UBAP1: variants seen among roughly 807,000 people sequenced by gnomAD.
UBAP1 encodes ubiquitin associated protein 1, also known as ubiquitin-associated protein 1.
A neutral mutation model predicts 39.0 loss-of-function variants in UBAP1; 5 were observed. That is an observed-to-expected ratio of 0.13 (90% CI 0.07 to 0.27). UBAP1 has a LOEUF of 0.27. Ranked by LOEUF, UBAP1 falls within the 10% of genes least tolerant of loss-of-function variation. UBAP1 has a pLI of 1.00. For missense variants in UBAP1, 490 were observed against 608.1 expected (o/e 0.81, Z 2.04); for synonymous variants, 211 against 225.1 (o/e 0.94, Z 0.56).
chr9:34,189,493 AT>A (rs1209842047), intron 1 of UBAP1, among the ~76,000 whole-genome samples: 1 of 151,898 alleles, frequency 6.6e-6, no homozygotes, highest in Non-Finnish European at 1.5e-5. Flanking sequence ...CCGGCCGATC[AT>A]TATGTCTTAT....
chr9:34,189,096 A>G lies in UBAP1; in HGVS notation c.-8+9856A>G, dbSNP rs375092354. Among the ~76,000 whole-genome samples, 9 of 151,978 alleles carry G rather than the reference A, an allele frequency of 5.9e-5. 1 individual carries two copies. The highest frequency in any genetic ancestry group is 5.9e-4 in the Admixed American group (9 of 15,240). On this transcript the variant is annotated intron_variant, in intron 1 of 6. Coordinates refer to ENST00000297661, the MANE Select transcript of UBAP1 (RefSeq NM_016525.5). ...CTTCCTAATCCTAAAATCTTTCTAT[A>G]GTTTGGGAGTGTTAACATTTCCTTC...
At chr9:34,181,139 A>G (rs1324960420) in intron 1 of UBAP1, among the ~76,000 whole-genome samples, 1 of 9,240 alleles carries the variant, frequency 1.1e-4, no homozygotes, top group East Asian at 0.02. Flanking sequence ...TTTTTGAGAC[A>G]GAGTTTCGCT....
intron 1 of UBAP1, among the ~76,000 whole-genome samples, chr9:34,212,479 T>A (rs1832073809): frequency 6.6e-6 from 1 of 151,926 alleles, no homozygotes; most frequent in African/African-American, 2.4e-5. Context: ...ATAATTTTTT[T>A]AGTTCCATGT....
rs577037586 is a variant in UBAP1, at chr9:34,238,039, T to C, written c.160-3146T>C. 3.9e-5 allele frequency among the ~76,000 whole-genome samples: 6 copies of C among 152,336 alleles called. No individual in the cohort carries two copies. In the East Asian group the frequency reaches 1.2e-3, roughly 29 times the overall value. ...CCTCTGGCAGCCTCCTCGCAGCCTC[T>C]GGCAACCAGTATCTACTTTCTGTCT... is the stretch of plus-strand genomic sequence containing the variant. On this transcript the variant is annotated intron_variant, in intron 3 of 6. Transcript: ENST00000297661.
intron 6 of UBAP1, 200 bp downstream of exon 6, chr9:34,250,959 A>G (rs1834474504): frequency 1.7e-6 from 1 of 588,888 alleles, no homozygotes; most frequent in African/African-American, 1.9e-5. Flanking sequence ...TTGGGTTGAA[A>G]ACTTCAGAAT....
At chr9:34,191,957 C>G (rs955086452) in intron 1 of UBAP1, 50 of 151,488 alleles carry the variant, frequency 3.3e-4, no homozygotes, top group African/African-American at 1.2e-3. Context: ...ACCAACCTCT[C>G]TCAGCCTTGG....
intron 1 of UBAP1, among the ~76,000 whole-genome samples, chr9:34,219,819 C>T (rs1285127742): frequency 2.6e-5 from 1 of 37,750 alleles, no homozygotes; most frequent in Non-Finnish European, 5.2e-5. Context: ...TCCCCTCCCC[C>T]TTCCCTCTCC....
intron 1 of UBAP1, 66 bp from the exon 2 acceptor site, chr9:34,220,842 C>G (rs1352042347): frequency 6.9e-6 from 10 of 1,441,068 alleles, no homozygotes; most frequent in Non-Finnish European, 9.7e-6. Flanking sequence ...CTTTTTTGTA[C>G]TCTCAATTTT....
chr9:34,249,942 AAGG>A lies in UBAP1; in HGVS notation c.1250_1252del (p.Gly417del). Reference sequence around the variant, plus strand: ...TGTGTCCTCAGAGCCATGAAGAAGAAAGGAGAGAATATTGAGCAGGTGAGCGGT... The same window carrying A: ...TGTGTCCTCAGAGCCATGAAGAAGAAAGAGAATATTGAGCAGGTGAGCGGT... On this transcript the variant is annotated inframe_deletion, in exon 5 of 7. Transcript: ENST00000297661. The A allele has an allele frequency of 6.2e-7, 1 of 1,614,146 alleles. No homozygotes were observed. Among genetic ancestry groups the A allele is most frequent in the Non-Finnish European group, 8.5e-7 (1 of 1,180,030 alleles).
At chr9:34,250,266 C>A (rs971041250) in intron 5 of UBAP1, among the ~76,000 whole-genome samples, 1 of 152,200 alleles carries the variant, frequency 6.6e-6, no homozygotes, top group Non-Finnish European at 1.5e-5. Context: ...ATGTCTCTTT[C>A]CAGGAATTTT....
chr9:34,187,190 G>A (rs1374583396), intron 1 of UBAP1, among the ~76,000 whole-genome samples: 2 of 152,238 alleles, frequency 1.3e-5, no homozygotes, highest in African/African-American at 4.8e-5. Context: ...TTACAGGCGT[G>A]AGCCACTGCG....
At chr9:34,221,239 A>G (rs980653798) in intron 2 of UBAP1, among the ~76,000 whole-genome samples, 3 of 152,166 alleles carry the variant, frequency 2.0e-5, no homozygotes, top group Non-Finnish European at 2.9e-5. Context: ...CATTGAAGGT[A>G]TAGTTACTGG....
chr9:34,236,389 G>A (rs1457797661), intron 3 of UBAP1, among the ~76,000 whole-genome samples: 1 of 152,040 alleles, frequency 6.6e-6, no homozygotes, highest in African/African-American at 2.4e-5. Flanking sequence ...TGCCCTCACC[G>A]ATGAAATCAC....
intron 1 of UBAP1, among the ~76,000 whole-genome samples, chr9:34,216,554 G>A (rs867307557): frequency 6.0e-5 from 9 of 151,078 alleles, no homozygotes; most frequent in South Asian, 2.1e-4. Context: ...GCAGTGGTGC[G>A]ATCATAGCTC....
At chr9:34,249,712 A>G (rs1032931794) in intron 4 of UBAP1, 67 bp from the exon 5 acceptor site, 14 of 1,491,858 alleles carry the variant, frequency 9.4e-6, no homozygotes, top group Non-Finnish European at 1.3e-5. Context: ...CCCCTGGACT[A>G]GGCTGCCTCA....
chr9:34,242,539 C>CT (rs1244563974), intron 4 of UBAP1, among the ~76,000 whole-genome samples: 2 of 151,432 alleles, frequency 1.3e-5, no homozygotes, highest in South Asian at 2.1e-4. Context: ...CTTTTCCTTT[C>CT]TTTTTTTTGA....
chr9:34,226,524 A>T (rs954208952), intron 2 of UBAP1, among the ~76,000 whole-genome samples: 1 of 152,126 alleles, frequency 6.6e-6, no homozygotes, highest in African/African-American at 2.4e-5. Context: ...GGCATGAGCC[A>T]CCGCGCCTGG....
chr9:34,249,892 G>A lies in UBAP1; in HGVS notation c.1197G>A (p.Val399=). The A allele has an allele frequency of 6.2e-7, 1 of 1,613,742 alleles. No individual in the cohort carries two copies. Among genetic ancestry groups the A allele is most frequent in the Non-Finnish European group, 8.5e-7 (1 of 1,179,892 alleles). ...GCGAGCGGCAGTGTGTGGAGACGGT[G>A]GTCAACATGGGCTACTCGTACGAGT... ...SPSERQCVET[V]VNMGYSYECV... is the part of the protein sequence containing the mutation. Residue 399 remains valine, a synonymous_variant, in exon 5 of 7, where the codon GTG becomes GTA. Transcript: ENST00000297661.
chr9:34,179,942 A>G (rs1226051945), intron 1 of UBAP1, among the ~76,000 whole-genome samples: 1 of 152,194 alleles, frequency 6.6e-6, no homozygotes, highest in Admixed American at 6.6e-5. Flanking sequence ...GGTTGGGCAT[A>G]AAAATACGTT....
Sources: gnomAD v4.1 joint callset for allele counts (sites outside exome capture counted in the v4.1 genomes callset) on GRCh38, gnomAD v4.1.1 for gene constraint, MANE v1.5 for transcripts, NCBI Gene and HGNC (gene_info 2026-07-23, HGNC 2026-07-21) for gene names.